TUBGCP6: variants seen among roughly 807,000 people sequenced by gnomAD.
TUBGCP6 encodes gamma-tubulin complex component 6.
Under a neutral mutation model 175.8 loss-of-function variants are expected in TUBGCP6, and 161 were observed. The observed-to-expected ratio is 0.92, with a 90% CI of 0.81 to 1.04. The LOEUF (loss-of-function observed/expected upper bound fraction) is 1.04, where lower values mean the gene tolerates loss of function less well. Ranked by LOEUF, TUBGCP6 falls within the 50% of genes least tolerant of loss-of-function variation. The probability of loss-of-function intolerance (pLI) is 0.00; values close to 1 mark genes in which losing one functional copy is unlikely to be tolerated. For missense variants in TUBGCP6, 2,572 were observed against 2,433.0 expected (o/e 1.06, Z -1.20); for synonymous variants, 1,173 against 1,030.5 (o/e 1.14, Z -2.65).
rs756429894 is a variant in TUBGCP6 at position 50,220,788 on chromosome 22, C to T, written c.3571G>A (p.Val1191Met). 1.8e-5 allele frequency: 28 copies of T among 1,598,202 alleles called. No individual in the cohort carries two copies. Among genetic ancestry groups the T allele is most frequent in the Middle Eastern group, 1.7e-4 (1 of 5,998 alleles). The change falls in exon 16 of 25, where the codon GTG becomes ATG. Residue 1191 changes from valine (V) to methionine (M), a missense_variant. Transcript: ENST00000248846. ...CCCAAGCTGATGCTGGCATCAGACA[C>T]GTGTCCATGGGTGTTCCACCGTGGC... ...ARPRWNTHGH[V>M]SDASISLGES...
chr22:50,218,581 C>G lies in TUBGCP6; in HGVS notation c.4861G>C (p.Val1621Leu), dbSNP rs4838864. The G allele has an allele frequency of 0.99, 1,603,307 of 1,613,852 alleles. 796,425 individuals carry two copies. The highest frequency in any genetic ancestry group is 1 in the East Asian group (44,855 of 44,858). The change falls in exon 22 of 25, where the codon GTG becomes CTG. Residue 1621 changes from valine (V) to leucine (L), a missense_variant. Coordinates refer to ENST00000248846, the MANE Select transcript of TUBGCP6 (RefSeq NM_020461.4). ...GAGAAGACGCCGCTGTACTTGCTCA[C>G]GCAGCCCTCGGTGATGACAATGTTG... ...PLNIVITEGC[V>L]SKYSGVFSFL...
chr22:50,238,532 GTTTTTTTTTTTGT>G (rs1383609348), intron 2 of TUBGCP6, among the ~76,000 whole-genome samples: 17 of 113,890 alleles, frequency 1.5e-4, no homozygotes, highest in African/African-American at 6.6e-4. Flanking sequence ...TGTAGGGCCA[GTTTTTTTTTTTGT>G]TTTTTTTTTT....
In TUBGCP6 at chr22:50,220,037, C is replaced by G. The variant is rs192294480; in HGVS notation, c.4109-22G>C. 1.1e-5 allele frequency: 17 copies of G among 1,612,130 alleles called. No homozygotes were observed. The South Asian group carries it at 1.5e-4, about 15-fold the overall frequency. On this transcript the variant is annotated intron_variant, in intron 16 of 24. Coordinates refer to ENST00000248846, the MANE Select transcript of TUBGCP6 (RefSeq NM_020461.4). ...GGGCCTGTGTGGACACAAGTGGACA[C>G]GAGGGCATCAGGGCCGAGTGCCTGT...
At chr22:50,236,704 G>A (rs1400358393) in intron 2 of TUBGCP6, among the ~76,000 whole-genome samples, 1 of 152,228 alleles carries the variant, frequency 6.6e-6, no homozygotes, top group Non-Finnish European at 1.5e-5. Context: ...GTCAGCAGGT[G>A]GGGCCGCTCT....
rs1393311430 is a variant in TUBGCP6, at chr22:50,222,591, G to A, written c.2272C>T (p.Gln758Ter). 3 of 1,610,732 alleles carry A rather than the reference G, an allele frequency of 1.9e-6. No individual in the cohort carries two copies. Reference protein sequence around the residue: ...LEEELERKARQALVDHYSKLS... With the variant: ...LEEELERKAR ...TTGCTGTAGTGGTCGACCAGTGCCT[G>A]CCTGAAGCCACACACCAGAGAGGAC... The change falls in exon 14 of 25, where the codon CAG becomes TAG. Residue 758 changes from glutamine (Q) to a stop codon, truncating the protein, a stop_gained and splice_region_variant. Transcript: ENST00000248846. LOFTEE classifies it high-confidence loss of function.
chr22:50,233,524 G>A lies in TUBGCP6; in HGVS notation c.908C>T (p.Pro303Leu). ...KRRCWERVGCPPGHREEPYLT... is the reference protein window; with the variant it reads ...KRRCWERVGCLPGHREEPYLT... ...GTAAGGCTCCTCTCTGTGGCCAGGG[G>A]GGCTGCGAGGGGTGCAGAAGAGAGG... The change falls in exon 3 of 25, where the codon CCC becomes CTC. Residue 303 changes from proline to leucine, a missense_variant and splice_region_variant. Transcript: ENST00000248846. 1 of 1,600,888 alleles carries A rather than the reference G, an allele frequency of 6.2e-7. No homozygotes were observed. Among genetic ancestry groups the A allele is most frequent in the Non-Finnish European group, 8.5e-7 (1 of 1,174,096 alleles).
Position 50,245,005 on chromosome 22 carries a change from G to A in TUBGCP6, c.-546C>T, listed in dbSNP as rs900161257. 12 of 229,006 alleles carry A rather than the reference G, an allele frequency of 5.2e-5. No individual in the cohort carries two copies. In the Admixed American group the frequency reaches 6.4e-4, roughly 12 times the overall value. 14.2% of individuals were successfully genotyped at this position (229,006 alleles called of 1,614,324 possible). A position where few individuals can be genotyped will look rare whatever the true frequency, so the allele number is the denominator to read the frequency against. On this transcript the variant is annotated 5_prime_UTR_variant, in exon 1 of 25. The change creates a new upstream start codon in the 5' untranslated region. Coordinates refer to ENST00000248846, the MANE Select transcript of TUBGCP6 (RefSeq NM_020461.4). ...CTGCCGCTCTCGCCGCCTCCGTCGC[G>A]TCACAGCCGCGCCAGTGTGAAGAGC...
rs1473718493 is a variant in TUBGCP6, at chr22:50,226,984, G to C, written c.1491+15C>G. The C allele has an allele frequency of 6.2e-7, 1 of 1,610,114 alleles. No homozygotes were observed. Among genetic ancestry groups the C allele is most frequent in the African/African-American group, 1.3e-5 (1 of 74,974 alleles). On this transcript the variant is annotated intron_variant, in intron 6 of 24. Coordinates refer to ENST00000248846, the MANE Select transcript of TUBGCP6 (RefSeq NM_020461.4). ...CCCACCAGGCTGACACACTCGGCAG[G>C]GACGCACAACTCACGGTGGGAAACG...
At chr22:50,220,050 G>A (rs1026577974) in intron 16 of TUBGCP6, 35 bp from the exon 17 acceptor site, 13 of 1,608,554 alleles carry the variant, frequency 8.1e-6, no homozygotes, top group Non-Finnish European at 8.5e-6. Flanking sequence ...GGGCATCAGG[G>A]CCGAGTGCCT....
At chr22:50,222,339 C>T (rs572201646) in intron 14 of TUBGCP6, 115 bp downstream of exon 14, 69 of 1,483,010 alleles carry the variant, frequency 4.7e-5, no homozygotes, top group East Asian at 2.3e-5. Context: ...CTGCCGCAAA[C>T]GCGAAAGCCA....
chr22:50,238,532 G>GTT (rs1314149857), intron 2 of TUBGCP6, among the ~76,000 whole-genome samples: 1 of 113,890 alleles, frequency 8.8e-6, no homozygotes. Flanking sequence ...TGTAGGGCCA[G>GTT]TTTTTTTTTT....
In TUBGCP6 at chr22:50,226,984, G is replaced by A; in HGVS notation, c.1491+15C>T. The A allele has an allele frequency of 6.2e-7, 1 of 1,610,114 alleles. No homozygotes were observed. ...CCCACCAGGCTGACACACTCGGCAG[G>A]GACGCACAACTCACGGTGGGAAACG... is the stretch of plus-strand genomic sequence containing the variant. On this transcript the variant is annotated intron_variant, in intron 6 of 24. Transcript: ENST00000248846.
intron 3 of TUBGCP6, among the ~76,000 whole-genome samples, chr22:50,230,966 C>G (rs1363591820): frequency 6.7e-6 from 1 of 149,984 alleles, no homozygotes; most frequent in African/African-American, 2.5e-5. Context: ...CCTATAATCC[C>G]AGCTACTCAG....
In TUBGCP6 at chr22:50,221,736, C is replaced by G; in HGVS notation, c.2623G>C (p.Gly875Arg). 6.6e-7 allele frequency: 1 copy of G among 1,515,800 alleles called. No homozygotes were observed. The allele number at this position is 1,515,800 out of a possible 1,614,324, so 93.9% of individuals were successfully genotyped here. A position where few individuals can be genotyped will look rare whatever the true frequency, so the allele number is the denominator to read the frequency against. Reference protein sequence around the residue: ...TPQPLKPLAVGAGGRGLQQAE... With the variant: ...TPQPLKPLAVRAGGRGLQQAE... ...TGCTGCAGCCCCCTGCCACCAGCCC[C>G]CACTGCTAGAGGCTTAAGGGGCTGT... is the stretch of plus-strand genomic sequence containing the variant. Residue 875 changes from glycine (G) to arginine (R), a missense_variant, in exon 16 of 25, where the codon GGG becomes CGG. Physicochemically the swap from Gly to Arg is moderately radical, Grantham distance 125 (BLOSUM62 -2). Transcript: ENST00000248846.
At chr22:50,218,445 T>C (rs900342625) in intron 22 of TUBGCP6, 43 bp from the exon 23 acceptor site, 2 of 1,612,856 alleles carry the variant, frequency 1.2e-6, no homozygotes, top group Non-Finnish European at 1.7e-6. Flanking sequence ...GAGCGCAGCC[T>C]CCAGCCAGGG....
At chr22:50,222,156 A>G in intron 14 of TUBGCP6, 54 bp from the exon 15 acceptor site, 2 of 1,567,920 alleles carry the variant, frequency 1.3e-6, no homozygotes, top group South Asian at 2.2e-5. Context: ...GCACAGCCCT[A>G]CCCCACACAA....
intron 11 of TUBGCP6, 34 bp downstream of exon 11, chr22:50,224,477 G>A (rs750222811): frequency 1.4e-5 from 22 of 1,614,024 alleles, no homozygotes; most frequent in African/African-American, 2.7e-5. Context: ...AAGGCCCCCC[G>A]GAACTGCAGA....
intron 5 of TUBGCP6, 82 bp from the exon 6 acceptor site, chr22:50,227,159 G>A (rs999302753): frequency 8.2e-5 from 103 of 1,261,446 alleles, no homozygotes; most frequent in East Asian, 5.1e-4. Context: ...AAGTCTCCAC[G>A]TATCTTTATG....
chr22:50,230,986 G>A (rs1053966396), intron 3 of TUBGCP6, among the ~76,000 whole-genome samples: 1 of 149,378 alleles, frequency 6.7e-6, no homozygotes, highest in Non-Finnish European at 1.5e-5. Flanking sequence ...GGAGGCTGAG[G>A]CAGGAGAATT....
Sources: allele counts gnomAD v4.1 joint callset (sites outside exome capture counted in the v4.1 genomes callset), GRCh38; gene constraint gnomAD v4.1.1; transcripts MANE v1.5; gene names NCBI Gene and HGNC (gene_info 2026-07-23, HGNC 2026-07-21).